GALNTL5: variants seen among roughly 807,000 people sequenced by gnomAD.
The protein encoded by GALNTL5 is inactive polypeptide N-acetylgalactosaminyltransferase-like protein 5.
A neutral mutation model predicts 51.0 loss-of-function variants in GALNTL5; 44 were observed. The ratio of observed to expected loss-of-function variants is 0.86; its 90% CI spans 0.68 to 1.11. The LOEUF is 1.11. Ranked by LOEUF, GALNTL5 falls within the 50% of genes least tolerant of loss-of-function variation. The probability of loss-of-function intolerance (pLI) is 0.00; values close to 1 mark genes in which losing one functional copy is unlikely to be tolerated. For synonymous variants in GALNTL5, 192 were observed against 182.8 expected (o/e 1.05, Z -0.41); for missense variants, 528 against 531.8 (o/e 0.99, Z 0.07).
At chr7:151,996,626 G>A (rs2081503767) in intron 5 of GALNTL5, among the ~76,000 whole-genome samples, 1 of 152,096 alleles carries the variant, frequency 6.6e-6, no homozygotes, top group South Asian at 2.1e-4. Context: ...GCCCGTGCCT[G>A]TAATCCTATT....
intron 7 of GALNTL5, among the ~76,000 whole-genome samples, chr7:152,011,819 T>C (rs1255419796): frequency 1.3e-5 from 2 of 152,198 alleles, no homozygotes; most frequent in African/African-American, 4.8e-5. Flanking sequence ...GAATTTCTAT[T>C]CCTAAGAGTT....
At chr7:151,987,035 C>A (rs2081367127) in intron 4 of GALNTL5, 124 bp from the exon 5 acceptor site, 1 of 840,828 alleles carries the variant, frequency 1.2e-6, no homozygotes, top group Non-Finnish European at 1.7e-6. Context: ...CCCCAAAATT[C>A]TCTTTTAAAG....
At chr7:151,994,472 G>T (rs769040644) in intron 5 of GALNTL5, among the ~76,000 whole-genome samples, 1 of 152,048 alleles carries the variant, frequency 6.6e-6, no homozygotes, top group African/African-American at 2.4e-5. Context: ...AGGGCCTGCC[G>T]TGATGTGCTC....
At chr7:151,961,262 G>A (rs1011327805) in intron 1 of GALNTL5, among the ~76,000 whole-genome samples, 2 of 152,040 alleles carry the variant, frequency 1.3e-5, no homozygotes, top group Admixed American at 6.5e-5. Flanking sequence ...AATCCCTTGG[G>A]AGGCCAAGGC....
chr7:152,014,627 GTTC>G lies in GALNTL5; in HGVS notation c.1027-11_1027-9del. 2 of 1,581,862 alleles carry G rather than the reference GTTC, an allele frequency of 1.3e-6. No homozygotes were observed. ...GTAATAATGCATTCGTATGTTTTTT[GTTC>G]TTCTTATGCCTAGATCTGGATGTGT... On this transcript the variant is annotated splice_polypyrimidine_tract_variant and intron_variant, in intron 7 of 8. Transcript: ENST00000392800.
chr7:151,973,145 G>A (rs1044274165), intron 3 of GALNTL5, among the ~76,000 whole-genome samples: 2 of 152,068 alleles, frequency 1.3e-5, no homozygotes, highest in African/African-American at 4.8e-5. Flanking sequence ...TGGAGTCAAA[G>A]GAGATCATTT....
rs1008521556 is a variant in GALNTL5 at position 151,957,106 on chromosome 7, G to GATCA, written c.-40+498_-40+501dup. 2.2e-5 allele frequency among the ~76,000 whole-genome samples: 3 copies of GATCA among 137,344 alleles called. No homozygotes were observed. In the Admixed American group the frequency reaches 2.3e-4, roughly 11 times the overall value. The allele number at this position is 137,344 out of a possible 152,430, so 90.1% of individuals were successfully genotyped here. A position where few individuals can be genotyped will look rare whatever the true frequency, so the allele number is the denominator to read the frequency against. ...GGACCATGTGAGTCCAGGAGTTCAAGATCAGCTTGGATGAAAGAGTGAGAC... is the reference window on the plus strand; with the variant it reads ...GGACCATGTGAGTCCAGGAGTTCAAGATCAATCAGCTTGGATGAAAGAGTGAGAC... On this transcript the variant is annotated intron_variant, in intron 1 of 8. Coordinates refer to ENST00000392800, the MANE Select transcript of GALNTL5 (RefSeq NM_145292.4).
At chr7:152,001,793 A>T (rs1037021489) in intron 5 of GALNTL5, among the ~76,000 whole-genome samples, 1 of 152,182 alleles carries the variant, frequency 6.6e-6, no homozygotes, top group Non-Finnish European at 1.5e-5. Flanking sequence ...ATTGCACTAA[A>T]TCTGTAGATT....
intron 5 of GALNTL5, among the ~76,000 whole-genome samples, chr7:151,998,096 C>T (rs1203558727): frequency 6.6e-6 from 1 of 152,030 alleles, no homozygotes; most frequent in East Asian, 1.9e-4. Context: ...TAGTCCTAAG[C>T]TACTCAGGAG....
At chr7:151,991,371 G>C (rs779684860) in intron 5 of GALNTL5, among the ~76,000 whole-genome samples, 5 of 152,174 alleles carry the variant, frequency 3.3e-5, no homozygotes, top group Admixed American at 6.5e-5. Flanking sequence ...GATTACAGGC[G>C]TGAGCCACTG....
intron 4 of GALNTL5, among the ~76,000 whole-genome samples, chr7:151,985,548 CT>C (rs2081350905): frequency 6.6e-6 from 1 of 152,188 alleles, no homozygotes; most frequent in Admixed American, 6.5e-5. Flanking sequence ...GACTCCTCAG[CT>C]TGGGGGAGCA....
At chr7:152,001,724 T>C (rs2081582631) in intron 5 of GALNTL5, among the ~76,000 whole-genome samples, 1 of 152,226 alleles carries the variant, frequency 6.6e-6, no homozygotes, top group Non-Finnish European at 1.5e-5. Context: ...TCCATTGCCT[T>C]TTCATATGAC....
intron 5 of GALNTL5, among the ~76,000 whole-genome samples, chr7:152,002,341 A>G (rs2081590610): frequency 1.3e-5 from 2 of 152,224 alleles, no homozygotes; most frequent in African/African-American, 4.8e-5. Context: ...CATCCCATGC[A>G]CCAAACTCAA....
chr7:151,999,464 A>G (rs1185725252), intron 5 of GALNTL5, among the ~76,000 whole-genome samples: 9 of 151,992 alleles, frequency 5.9e-5, no homozygotes, highest in Admixed American at 5.9e-4. Context: ...CACCATTTAC[A>G]CTCCCACCAG....
At chr7:151,984,571 T>A (rs913903104) in intron 4 of GALNTL5, among the ~76,000 whole-genome samples, 1 of 152,146 alleles carries the variant, frequency 6.6e-6, no homozygotes, top group Non-Finnish European at 1.5e-5. Flanking sequence ...CAGGCACCTA[T>A]CGTAAATAAC....
At chr7:151,983,500 T>C (rs2081322938) in intron 4 of GALNTL5, among the ~76,000 whole-genome samples, 1 of 152,126 alleles carries the variant, frequency 6.6e-6, no homozygotes, top group South Asian at 2.1e-4. Flanking sequence ...CTGAAGGTAG[T>C]GCGCTCCCCG....
At chr7:151,999,343 C>T (rs1443074018) in intron 5 of GALNTL5, among the ~76,000 whole-genome samples, 2 of 152,098 alleles carry the variant, frequency 1.3e-5, no homozygotes, top group Non-Finnish European at 2.9e-5. Context: ...CACATATATA[C>T]ATTTGTTTGA....
intron 3 of GALNTL5, among the ~76,000 whole-genome samples, chr7:151,981,014 G>A (rs1376627215): frequency 6.6e-6 from 1 of 151,878 alleles, no homozygotes; most frequent in Admixed American, 6.6e-5. Flanking sequence ...CAAAGTGCTG[G>A]GATTACAGGC....
chr7:152,011,083 C>A (rs2151960634), intron 7 of GALNTL5, among the ~76,000 whole-genome samples: 2 of 152,240 alleles, frequency 1.3e-5, no homozygotes, highest in East Asian at 3.9e-4. Flanking sequence ...GAGTAACTTG[C>A]CCAAATTCAC....
Sources: gnomAD v4.1 joint callset for allele counts (sites outside exome capture counted in the v4.1 genomes callset) on GRCh38, gnomAD v4.1.1 for gene constraint, MANE v1.5 for transcripts, NCBI Gene and HGNC (gene_info 2026-07-23, HGNC 2026-07-21) for gene names.